Variants in MACROD2 observed in about 807,000 individuals in gnomAD.
MACROD2 encodes mono-ADP ribosylhydrolase 2, also known as ADP-ribose glycohydrolase MACROD2.
A neutral mutation model predicts 70.4 loss-of-function variants in MACROD2; 36 were observed. The ratio of observed to expected loss-of-function variants is 0.51; its 90% confidence interval spans 0.39 to 0.68. The LOEUF is 0.68. Among genes scored for constraint, MACROD2 ranks in the 30% least tolerant of loss-of-function variants. MACROD2 has a pLI of 0.00. For missense variants in MACROD2, 496 were observed against 538.4 expected (o/e 0.92, Z 0.78); for synonymous variants, 172 against 178.8 (o/e 0.96, Z 0.30).
intron 6 of MACROD2, among the ~76,000 whole-genome samples, chr20:15,424,633 T>C (rs1412442862): frequency 6.6e-6 from 1 of 152,160 alleles, no homozygotes; most frequent in East Asian, 1.9e-4. Flanking sequence ...GGAGGGAGAA[T>C]GGCTTGAGCA....
At chr20:15,154,974 C>T (rs2076296785) in intron 5 of MACROD2, among the ~76,000 whole-genome samples, 1 of 152,096 alleles carries the variant, frequency 6.6e-6, no homozygotes, top group South Asian at 2.1e-4. Flanking sequence ...TCCCTAGGTT[C>T]TTATTATGGC....
At chr20:14,744,523 T>C (rs927257621) in intron 5 of MACROD2, among the ~76,000 whole-genome samples, 25 of 152,168 alleles carry the variant, frequency 1.6e-4, no homozygotes, top group African/African-American at 6.0e-4. Flanking sequence ...ATTAAGTGAA[T>C]TTAACTTTAA....
intron 3 of MACROD2, among the ~76,000 whole-genome samples, chr20:14,265,238 T>C (rs1181807011): frequency 2.6e-5 from 4 of 152,184 alleles, no homozygotes; most frequent in African/African-American, 9.7e-5. Flanking sequence ...GATCAGCTGA[T>C]TCTTTCTACA....
intron 5 of MACROD2, among the ~76,000 whole-genome samples, chr20:14,954,498 A>G (rs982492222): frequency 7.1e-6 from 1 of 141,652 alleles, no homozygotes; most frequent in Non-Finnish European, 1.5e-5. Flanking sequence ...TAAATTATAT[A>G]TAATTATTAT....
At chr20:14,148,278 C>A (rs1569179874) in intron 3 of MACROD2, among the ~76,000 whole-genome samples, 1 of 152,002 alleles carries the variant, frequency 6.6e-6, no homozygotes, top group South Asian at 2.1e-4. Context: ...ATATTCAGGA[C>A]GTATGTTTGG....
At chr20:14,753,245 G>A (rs2071898049) in intron 5 of MACROD2, among the ~76,000 whole-genome samples, 1 of 152,170 alleles carries the variant, frequency 6.6e-6, no homozygotes, top group Non-Finnish European at 1.5e-5. Context: ...TGATTGCTGT[G>A]ATGAGTTTGC....
chr20:14,766,084 C>T (rs552081349), intron 5 of MACROD2, among the ~76,000 whole-genome samples: 1 of 152,116 alleles, frequency 6.6e-6, no homozygotes, highest in African/African-American at 2.4e-5. Flanking sequence ...CTCACACTTA[C>T]GATTCACTAG....
chr20:16,049,484 T>C (rs1339462799), intron 17 of MACROD2, among the ~76,000 whole-genome samples: 1 of 152,164 alleles, frequency 6.6e-6, no homozygotes, highest in Non-Finnish European at 1.5e-5. Context: ...TGCTGATCCC[T>C]GGAAACTAGA....
intron 8 of MACROD2, among the ~76,000 whole-genome samples, chr20:15,571,500 C>A (rs1194987726): frequency 6.6e-6 from 1 of 151,604 alleles, no homozygotes; most frequent in African/African-American, 2.4e-5. Context: ...CTAGTTTTAT[C>A]TTAGTTATAA....
chr20:15,688,590 T>C (rs1202035035), intron 8 of MACROD2, among the ~76,000 whole-genome samples: 4 of 152,212 alleles, frequency 2.6e-5, no homozygotes, highest in East Asian at 1.9e-4. Flanking sequence ...TGCCATAGAT[T>C]TGTGATTCCA....
chr20:15,022,300 T>G (rs1327257480), intron 5 of MACROD2, among the ~76,000 whole-genome samples: 1 of 152,208 alleles, frequency 6.6e-6, no homozygotes, highest in Non-Finnish European at 1.5e-5. Flanking sequence ...TGTAGGCAAC[T>G]GCACTTTAAA....
At chr20:15,821,623 G>A (rs2063938950) in intron 8 of MACROD2, among the ~76,000 whole-genome samples, 1 of 152,104 alleles carries the variant, frequency 6.6e-6, no homozygotes, top group African/African-American at 2.4e-5. Flanking sequence ...GATTGAAAAT[G>A]TTCAAAAAAT....
chr20:15,759,145 C>CAAAAAAAAA (rs57212358), intron 8 of MACROD2, among the ~76,000 whole-genome samples: 5 of 58,916 alleles, frequency 8.5e-5, no homozygotes, highest in East Asian at 1.0e-3. Flanking sequence ...GACTCCATCT[C>CAAAAAAAAA]AAAAAAAAAA....
rs575954102 is a variant in MACROD2 at position 14,483,634 on chromosome 20, G to A, written c.272-9845G>A. On this transcript the variant is annotated intron_variant, in intron 3 of 17. Transcript: ENST00000684519. Reference sequence around the variant, plus strand: ...TTGGTCACACTGGTCTCGAACTCCCGACCTCAGGTGATCCACCCGCCTTGG... The same window carrying A: ...TTGGTCACACTGGTCTCGAACTCCCAACCTCAGGTGATCCACCCGCCTTGG... 3.9e-5 allele frequency among the ~76,000 whole-genome samples: 6 copies of A among 152,228 alleles called. No individual in the cohort carries two copies. In the East Asian group the frequency reaches 5.8e-4, roughly 15 times the overall value.
chr20:15,729,864 T>C (rs2050921288), intron 8 of MACROD2, among the ~76,000 whole-genome samples: 1 of 98,062 alleles, frequency 1.0e-5, no homozygotes, highest in Non-Finnish European at 2.1e-5. Context: ...GTTTCACTCT[T>C]GTCGCCCAGG....
chr20:15,066,641 A>T (rs1164382776), intron 5 of MACROD2, among the ~76,000 whole-genome samples: 1 of 151,460 alleles, frequency 6.6e-6, no homozygotes, highest in East Asian at 2.0e-4. Flanking sequence ...GCATTTTGGG[A>T]GGCCGAGGCG....
rs191767183 is a variant in MACROD2, at chr20:15,275,464, C to T, written c.540+45403C>T. Among the ~76,000 whole-genome samples, 1,273 of 152,292 alleles carry T rather than the reference C, an allele frequency of 8.4e-3. 8 individuals carry two copies. Among genetic ancestry groups the T allele is most frequent in the Non-Finnish European group, 0.013 (893 of 68,016 alleles). The stretch of plus-strand genomic sequence containing the variant: ...ATATGGCAATGGATATCCATGGCAT[C>T]TAACAAATCTTGCTGTGCACCCGGT... On this transcript the variant is annotated intron_variant, in intron 6 of 17. Transcript: ENST00000684519.
intron 5 of MACROD2, among the ~76,000 whole-genome samples, chr20:14,988,960 CTT>C (rs2074875384): frequency 6.6e-6 from 1 of 151,764 alleles, no homozygotes; most frequent in South Asian, 2.1e-4. Context: ...ATAATAAAGA[CTT>C]AGATTAAAAG....
At chr20:15,391,656 A>G (rs747798918) in intron 6 of MACROD2, among the ~76,000 whole-genome samples, 1 of 152,116 alleles carries the variant, frequency 6.6e-6, no homozygotes, top group Non-Finnish European at 1.5e-5. Flanking sequence ...TTAACCCCCA[A>G]ATGTCCATTT....
Sources: gnomAD v4.1 joint callset for allele counts (sites outside exome capture counted in the v4.1 genomes callset) on GRCh38, gnomAD v4.1.1 for gene constraint, MANE v1.5 for transcripts, NCBI Gene and HGNC (gene_info 2026-07-23, HGNC 2026-07-21) for gene names.